Variants in LRP5 observed in about 807,000 individuals in gnomAD.
The protein encoded by LRP5 is low-density lipoprotein receptor-related protein 5.
LRP5 carries 62 observed loss-of-function variants against 154.1 expected under a neutral mutation model. The observed-to-expected ratio is 0.40, with a 90% CI of 0.33 to 0.50. LRP5 has a LOEUF of 0.50. LRP5 is among the 20% of genes least tolerant of loss of function. LRP5 has a pLI of 0.55. For synonymous variants in LRP5, 966 were observed against 1,011.5 expected (o/e 0.96, Z 0.85); for missense variants, 1,915 against 2,336.7 (o/e 0.82, Z 3.72).
chr11:68,312,194 G>A (rs914120133), upstream of LRP5, among the ~76,000 whole-genome samples: 1 of 152,208 alleles, frequency 6.6e-6, no homozygotes, highest in East Asian at 1.9e-4. Context: ...CTCCACAGGT[G>A]AGAACAAGTG....
At chr11:68,308,254 T>C (rs546318106), upstream of LRP5, among the ~76,000 whole-genome samples, 1 of 152,076 alleles carries the variant, frequency 6.6e-6, no homozygotes, top group Non-Finnish European at 1.5e-5. Flanking sequence ...TCCTGCCGGG[T>C]TGGGGGGGGC....
intron 7 of LRP5, among the ~76,000 whole-genome samples, chr11:68,396,547 G>A (rs1179366956): frequency 6.6e-6 from 1 of 152,196 alleles, no homozygotes; most frequent in Non-Finnish European, 1.5e-5. Context: ...TGAATTGGGA[G>A]AAGAACAAAG....
At position 68,365,580 on chromosome 11, in the gene LRP5, G is replaced by T. The variant is rs1008957697; in HGVS notation, c.893G>T (p.Arg298Leu). 1.9e-6 allele frequency: 3 copies of T among 1,613,918 alleles called. No individual in the cohort carries two copies. Among genetic ancestry groups the T allele is most frequent in the Admixed American group, 3.3e-5 (2 of 59,986 alleles). Reference protein sequence around the residue: ...SQERQPFFHTRCEEDNGGCSH... With the variant: ...SQERQPFFHTLCEEDNGGCSH... ...GTCCTGGTTTTCTCAGTCCACACTCGCTGTGAGGAGGACAATGGCGGCTGC... is the reference window on the plus strand; with the variant it reads ...GTCCTGGTTTTCTCAGTCCACACTCTCTGTGAGGAGGACAATGGCGGCTGC... Residue 298 changes from arginine to leucine, a missense_variant, in exon 5 of 23, where the codon CGC (arginine) becomes CTC (leucine). Physicochemically the swap from Arg to Leu is moderately radical, Grantham distance 102. This residue lies in a region of LRP5 where 773 missense variants were observed against 1,100.9 expected (regional missense o/e 0.70). Coordinates refer to ENST00000294304, the MANE Select transcript of LRP5 (RefSeq NM_002335.4).
At chr11:68,368,727 C>T (rs113998953) in intron 5 of LRP5, among the ~76,000 whole-genome samples, 7,233 of 152,074 alleles carry the variant, frequency 0.048, 575 homozygotes, top group African/African-American at 0.16. Flanking sequence ...GACTGTGTGT[C>T]TGTGTGGGTG....
intron 5 of LRP5, among the ~76,000 whole-genome samples, chr11:68,370,608 A>T (rs1192827239): frequency 6.6e-6 from 1 of 152,186 alleles, no homozygotes; most frequent in Non-Finnish European, 1.5e-5. Context: ...CGCAGGGCTG[A>T]GCACGCAGCT....
At chr11:68,444,077 C>T (rs2098680135) in intron 21 of LRP5, among the ~76,000 whole-genome samples, 1 of 152,100 alleles carries the variant, frequency 6.6e-6, no homozygotes, top group Admixed American at 6.6e-5. Flanking sequence ...TGGCTGATGG[C>T]TTATGGGTGG....
intron 5 of LRP5, among the ~76,000 whole-genome samples, chr11:68,366,818 G>A (rs1028860634): frequency 4.6e-5 from 7 of 152,102 alleles, no homozygotes; most frequent in Non-Finnish European, 8.8e-5. Flanking sequence ...TAGTCCTCAC[G>A]GCTCTGGACA....
the LRP5 span, among the ~76,000 whole-genome samples, chr11:68,302,099 G>A: frequency 6.6e-6 from 1 of 151,058 alleles, no homozygotes; most frequent in Non-Finnish European, 1.5e-5. Flanking sequence ...GCTCACGCCT[G>A]TAATCCCAGC....
In LRP5 at chr11:68,437,694, C is replaced by T. The variant is rs540110583; in HGVS notation, c.4111+695C>T. ...GTCTGTTGGGGGGAGAAGGGGGCTTCCTCAAGGGACTCCCTGTGCCCTTTG... is the reference window on the plus strand; with the variant it reads ...GTCTGTTGGGGGGAGAAGGGGGCTTTCTCAAGGGACTCCCTGTGCCCTTTG... On this transcript the variant is annotated intron_variant, in intron 19 of 22. Coordinates refer to ENST00000294304, the MANE Select transcript of LRP5 (RefSeq NM_002335.4). Among the ~76,000 whole-genome samples the T allele has an allele frequency of 2.0e-5, 3 of 152,312 alleles. No homozygotes were observed. In the East Asian group the frequency reaches 5.8e-4, roughly 29 times the overall value.
chr11:68,388,102 C>T (rs770425429), intron 6 of LRP5, among the ~76,000 whole-genome samples: 2 of 152,070 alleles, frequency 1.3e-5, no homozygotes, highest in African/African-American at 2.4e-5. Context: ...AGCAGCCATC[C>T]GTGGACCCTG....
At chr11:68,348,946 C>G in intron 2 of LRP5, among the ~76,000 whole-genome samples, 1 of 115,540 alleles carries the variant, frequency 8.7e-6, no homozygotes, top group East Asian at 2.6e-4. Context: ...GATCCTGTCT[C>G]AAAAAAAAAA....
chr11:68,318,271 G>T (rs1448140746), intron 1 of LRP5, among the ~76,000 whole-genome samples: 1 of 150,692 alleles, frequency 6.6e-6, no homozygotes, highest in Non-Finnish European at 1.5e-5. Context: ...AGCCAGGATG[G>T]TCTCCATCTC....
At chr11:68,358,172 A>G (rs543311366) in intron 3 of LRP5, among the ~76,000 whole-genome samples, 2 of 151,554 alleles carry the variant, frequency 1.3e-5, no homozygotes, top group African/African-American at 4.8e-5. Context: ...CTGGAGTGCA[A>G]TGTCATAATC....
intron 5 of LRP5, among the ~76,000 whole-genome samples, chr11:68,381,941 T>C (rs1396876708): frequency 6.6e-6 from 1 of 152,212 alleles, no homozygotes; most frequent in African/African-American, 2.4e-5. Context: ...AGGCTGCTGG[T>C]ACTCTCTCTG....
At chr11:68,438,723 A>T in intron 20 of LRP5, 41 bp downstream of exon 20, 1 of 1,585,402 alleles carries the variant, frequency 6.3e-7, no homozygotes, top group Non-Finnish European at 8.6e-7. Flanking sequence ...AGGAGGCAGG[A>T]GAGTAGTCTG....
In LRP5 at chr11:68,433,765, G is replaced by GTGTGTGGACCTGCGCC; in HGVS notation, c.3930_3945dup (p.Arg1316CysfsTer23). On this transcript the variant is annotated frameshift_variant, in exon 18 of 23. Coordinates refer to ENST00000294304, the MANE Select transcript of LRP5 (RefSeq NM_002335.4). LOFTEE classifies it high-confidence loss of function. ...CCCAGTTCCCCTGCGCGCGGGGTCAGTGTGTGGACCTGCGCCTGCGCTGCG... is the reference window on the plus strand; with the variant it reads ...CCCAGTTCCCCTGCGCGCGGGGTCAGTGTGTGGACCTGCGCCTGTGTGGACCTGCGCCTGCGCTGCG... The GTGTGTGGACCTGCGCC allele has an allele frequency of 6.2e-7, 1 of 1,612,710 alleles. No homozygotes were observed. Among genetic ancestry groups the GTGTGTGGACCTGCGCC allele is most frequent in the Non-Finnish European group, 8.5e-7 (1 of 1,179,818 alleles).
Position 68,429,657 on chromosome 11 carries a change from C to T in LRP5, c.3720C>T (p.Cys1240=), listed in dbSNP as rs753018792. The change falls in exon 17 of 23, where the codon TGC becomes TGT. Residue 1240 remains cysteine, a synonymous_variant. Transcript: ENST00000294304. ...AKGDGTPRCS[C]PVHLVLLQNL... is the part of the protein sequence containing the mutation. Reference sequence around the variant, plus strand: ...GTGATGGGACACCACGGTGCTCATGCCCAGTCCACCTCGTGCTCCTGCAGA... The same window carrying T: ...GTGATGGGACACCACGGTGCTCATGTCCAGTCCACCTCGTGCTCCTGCAGA... 2.5e-6 allele frequency: 4 copies of T among 1,614,144 alleles called. No homozygotes were observed. Among genetic ancestry groups the T allele is most frequent in the South Asian group, 1.1e-5 (1 of 91,082 alleles).
In LRP5 at chr11:68,386,775, T is replaced by A; in HGVS notation, c.1412+63T>A. The A allele has an allele frequency of 6.5e-7, 1 of 1,549,982 alleles. No individual in the cohort carries two copies. The highest frequency in any genetic ancestry group is 8.8e-7 in the Non-Finnish European group (1 of 1,140,474). ...AGGCCAAGCACAGGCGAGAGGGAGA[T>A]TGACCTGGACCTGTCATTCTGGGAC... On this transcript the variant is annotated intron_variant, in intron 6 of 22. Coordinates refer to ENST00000294304, the MANE Select transcript of LRP5 (RefSeq NM_002335.4). The surrounding 1 kb of genome is among the most constrained non-coding windows in gnomAD (Gnocchi z 7.9).
chr11:68,384,899 G>A (rs2098642164), intron 5 of LRP5, among the ~76,000 whole-genome samples: 1 of 152,210 alleles, frequency 6.6e-6, no homozygotes, highest in Non-Finnish European at 1.5e-5. Context: ...GGCCTGAGCG[G>A]CGGGACCCCG....
Sources: allele counts gnomAD v4.1 joint callset (sites outside exome capture counted in the v4.1 genomes callset), GRCh38; gene constraint gnomAD v4.1.1; regional missense constraint gnomAD v4.1.1; non-coding constraint Gnocchi (gnomAD v3.1); transcripts MANE v1.5; gene names NCBI Gene and HGNC (gene_info 2026-07-23, HGNC 2026-07-21).